CARMIL1: variants seen among roughly 807,000 people sequenced by gnomAD.
CARMIL1 encodes the protein capping protein regulator and myosin 1 linker 1, also known as F-actin-uncapping protein LRRC16A.
In CARMIL1, 90 loss-of-function variants were observed where a neutral mutation model predicts 177.1. The observed-to-expected ratio is 0.51, with a 90% confidence interval of 0.43 to 0.61. The LOEUF is 0.61. CARMIL1 is among the 20% of genes least tolerant of loss of function. The pLI, the probability that CARMIL1 is intolerant of heterozygous loss-of-function variation, is 0.00. For synonymous variants in CARMIL1, 577 were observed against 606.2 expected (o/e 0.95, Z 0.71); for missense variants, 1,380 against 1,667.0 (o/e 0.83, Z 3.00).
chr6:25,583,310 G>A (rs1002716721), intron 31 of CARMIL1, among the ~76,000 whole-genome samples: 1 of 152,212 alleles, frequency 6.6e-6, no homozygotes, highest in African/African-American at 2.4e-5. Context: ...CTCACAGGCT[G>A]GTTGTGCACA....
At chr6:25,600,855 T>C in intron 33 of CARMIL1, 109 bp downstream of exon 33, 1 of 989,332 alleles carries the variant, frequency 1.0e-6, no homozygotes, top group Non-Finnish European at 1.4e-6. Context: ...CTTAAACATT[T>C]AACTTTCCTT....
At chr6:25,377,622 C>A (rs140898819) in intron 2 of CARMIL1, among the ~76,000 whole-genome samples, 1 of 152,220 alleles carries the variant, frequency 6.6e-6, no homozygotes, top group East Asian at 1.9e-4. Flanking sequence ...CTGTGAGATT[C>A]CTTGGTCATG....
chr6:25,400,646 A>G (rs1394730947), intron 2 of CARMIL1, among the ~76,000 whole-genome samples: 1 of 152,220 alleles, frequency 6.6e-6, no homozygotes, highest in Non-Finnish European at 1.5e-5. Context: ...TTGGGGAACT[A>G]AAACAAAGTC....
intron 36 of CARMIL1, among the ~76,000 whole-genome samples, chr6:25,615,692 T>G (rs1166791499): frequency 6.6e-6 from 1 of 152,232 alleles, no homozygotes; most frequent in Non-Finnish European, 1.5e-5. Context: ...CTGCTTCCCC[T>G]AAGTGAGTTC....
chr6:25,356,050 CTT>C lies in CARMIL1; in HGVS notation c.139-64047_139-64046del, dbSNP rs5875031. Reference sequence around the variant, plus strand: ...CTGGACTTTCCTCCTTCTAAGACTTCTTTTTTTTTTTTTTTTTTGAGACGGAG... The same window carrying C: ...CTGGACTTTCCTCCTTCTAAGACTTCTTTTTTTTTTTTTTTTGAGACGGAG... On this transcript the variant is annotated intron_variant, in intron 2 of 36. Coordinates refer to ENST00000329474, the MANE Select transcript of CARMIL1 (RefSeq NM_017640.6). Among the ~76,000 whole-genome samples the C allele has an allele frequency of 2.8e-3, 333 of 120,292 alleles. 1 individual carries two copies. Among genetic ancestry groups the C allele is most frequent in the Middle Eastern group, 0.021 (5 of 236 alleles). 78.9% of individuals were successfully genotyped at this position (120,292 alleles called of 152,430 possible).
At chr6:25,540,287 G>T (rs1422635717) in intron 26 of CARMIL1, among the ~76,000 whole-genome samples, 1 of 152,188 alleles carries the variant, frequency 6.6e-6, no homozygotes, top group African/African-American at 2.4e-5. Flanking sequence ...ACCTCTAAAT[G>T]TACCTAATAA....
intron 5 of CARMIL1, among the ~76,000 whole-genome samples, chr6:25,445,218 T>C (rs1048557135): frequency 6.6e-6 from 1 of 152,208 alleles, no homozygotes; most frequent in Non-Finnish European, 1.5e-5. Context: ...TTGTTAAAAG[T>C]TTTTTCGTGG....
intron 19 of CARMIL1, 49 bp from the exon 20 acceptor site, chr6:25,510,659 G>GA: frequency 1.3e-6 from 2 of 1,502,440 alleles, no homozygotes; most frequent in Non-Finnish European, 1.8e-6. Flanking sequence ...CCAGCCTCCT[G>GA]AAAGCTTTTG....
At position 25,544,640 on chromosome 6, in the gene CARMIL1, CA is replaced by C. The variant is rs1562270783; in HGVS notation, c.2328+4563del. 3.1e-3 allele frequency among the ~76,000 whole-genome samples: 460 copies of C among 149,430 alleles called. 3 individuals carry two copies. The highest frequency in any genetic ancestry group is 6.8e-3 in the Middle Eastern group (2 of 292). On this transcript the variant is annotated intron_variant, in intron 26 of 36. Transcript: ENST00000329474. Reference sequence around the variant, plus strand: ...ACACACACACACACACACACACACACACACACCCCAAACACTAAAGGATATA... The same window carrying C: ...ACACACACACACACACACACACACACCACACCCCAAACACTAAAGGATATA...
chr6:25,516,744 A>G (rs1182795063), intron 21 of CARMIL1, among the ~76,000 whole-genome samples: 1 of 152,196 alleles, frequency 6.6e-6, no homozygotes, highest in Non-Finnish European at 1.5e-5. Flanking sequence ...TTTCTCCCCA[A>G]ATAGATTTTG....
At chr6:25,416,813 G>A (rs1371767650) in intron 2 of CARMIL1, among the ~76,000 whole-genome samples, 1 of 152,116 alleles carries the variant, frequency 6.6e-6, no homozygotes, top group Admixed American at 6.5e-5. Flanking sequence ...GGGAATTTTA[G>A]GTCTTTGACA....
rs778793910 is a variant in CARMIL1 at position 25,426,575 on chromosome 6, T to C, written c.249+15T>C. The C allele has an allele frequency of 1.9e-6, 3 of 1,607,448 alleles. No individual in the cohort carries two copies. The African/African-American group carries it at 4.0e-5, about 22-fold the overall frequency. On this transcript the variant is annotated intron_variant, in intron 4 of 36. Transcript: ENST00000329474. Reference sequence around the variant, plus strand: ...AGTCAGCTCAGGTGAGTGTGAAAAATGGATCACTGCAAGATCATGATCTTT... The same window carrying C: ...AGTCAGCTCAGGTGAGTGTGAAAAACGGATCACTGCAAGATCATGATCTTT...
chr6:25,482,460 T>TTTTAA, intron 12 of CARMIL1, 117 bp downstream of exon 12: 1 of 529,396 alleles, frequency 1.9e-6, no homozygotes, highest in Non-Finnish European at 3.2e-6. Context: ...ATTTAAAATA[T>TTTTAA]ATGTATTATA....
intron 24 of CARMIL1, among the ~76,000 whole-genome samples, chr6:25,530,571 C>T (rs1411009265): frequency 3.3e-5 from 5 of 152,078 alleles, no homozygotes; most frequent in African/African-American, 1.2e-4. Flanking sequence ...AATTAGTAGA[C>T]GTAAACGAGG....
At chr6:25,613,132 A>C (rs1816632798) in intron 36 of CARMIL1, among the ~76,000 whole-genome samples, 1 of 152,222 alleles carries the variant, frequency 6.6e-6, no homozygotes, top group South Asian at 2.1e-4. Flanking sequence ...TACTTTGGTG[A>C]CTTGTCCTTT....
intron 2 of CARMIL1, among the ~76,000 whole-genome samples, chr6:25,415,039 G>C (rs1241498888): frequency 2.0e-5 from 3 of 152,098 alleles, no homozygotes; most frequent in Non-Finnish European, 4.4e-5. Context: ...ATTATTGCTG[G>C]GGTGAAGGTA....
At chr6:25,528,965 A>G (rs1233928860) in intron 24 of CARMIL1, 72 bp downstream of exon 24, 12 of 1,148,624 alleles carry the variant, frequency 1.0e-5, no homozygotes, top group Non-Finnish European at 1.4e-5. Flanking sequence ...GACTTCTAGC[A>G]TTCGAGTAAT....
chr6:25,425,756 C>A (rs1251645818), intron 3 of CARMIL1, among the ~76,000 whole-genome samples: 2 of 152,158 alleles, frequency 1.3e-5, no homozygotes, highest in Non-Finnish European at 2.9e-5. Flanking sequence ...GGAAACAAAT[C>A]ATCATTTATT....
chr6:25,369,383 T>TTG (rs1554179536), intron 2 of CARMIL1, among the ~76,000 whole-genome samples: 39 of 84,574 alleles, frequency 4.6e-4, no homozygotes, highest in African/African-American at 9.7e-4. Context: ...TATTTTGTTT[T>TTG]TTTTTTTTTT....
Sources: gnomAD v4.1 joint callset for allele counts (sites outside exome capture counted in the v4.1 genomes callset) on GRCh38, gnomAD v4.1.1 for gene constraint, MANE v1.5 for transcripts, NCBI Gene and HGNC (gene_info 2026-07-23, HGNC 2026-07-21) for gene names.